The following GPATCH2L variants were observed in gnomAD, a reference collection of about 807,000 sequenced individuals.
The protein encoded by GPATCH2L is G-patch domain containing 2 like, also known as G patch domain-containing protein 2-like.
GPATCH2L carries 31 observed loss-of-function variants against 57.4 expected under a neutral mutation model. That is an observed-to-expected ratio of 0.54 (90% CI 0.41 to 0.73). The LOEUF (loss-of-function observed/expected upper bound fraction) is 0.73, where lower values mean the gene tolerates loss of function less well. Among genes scored for constraint, GPATCH2L ranks in the 30% least tolerant of loss-of-function variants. The probability of loss-of-function intolerance (pLI) is 0.00; values close to 1 mark genes in which losing one functional copy is unlikely to be tolerated. For synonymous variants in GPATCH2L, 199 were observed against 210.7 expected (o/e 0.94, Z 0.48); for missense variants, 481 against 599.9 (o/e 0.80, Z 2.07).
intron 1 of GPATCH2L, chr14:76,153,014 G>T (rs1484659701): frequency 1.2e-5 from 4 of 337,608 alleles, no homozygotes; most frequent in African/African-American, 6.5e-5. Context: ...AAAGAACTTG[G>T]TCTTGTTTAA....
At chr14:76,216,265 A>C (rs2040489302), downstream of GPATCH2L, among the ~76,000 whole-genome samples, 1 of 152,108 alleles carries the variant, frequency 6.6e-6, no homozygotes, top group African/African-American at 2.4e-5. Context: ...AAAATGTTTA[A>C]CAAGTTGTCC....
In GPATCH2L at chr14:76,155,712, A is replaced by T. The variant is rs368029845; in HGVS notation, c.662+687A>T. Among the ~76,000 whole-genome samples the T allele has an allele frequency of 3.8e-4, 58 of 152,352 alleles. 1 individual carries two copies. In the South Asian group the frequency reaches 7.5e-3, roughly 20 times the overall value. ...ACTTTTTATTTTTTACATCTCAGATAGTCCTAGGAACATTGATACCCCCCA... is the reference window on the plus strand; with the variant it reads ...ACTTTTTATTTTTTACATCTCAGATTGTCCTAGGAACATTGATACCCCCCA... On this transcript the variant is annotated intron_variant, in intron 2 of 9. Coordinates refer to ENST00000261530, the MANE Select transcript of GPATCH2L (RefSeq NM_017926.4).
intron 2 of GPATCH2L, among the ~76,000 whole-genome samples, chr14:76,159,485 A>G (rs972077836): frequency 6.6e-6 from 1 of 152,066 alleles, no homozygotes; most frequent in Non-Finnish European, 1.5e-5. Flanking sequence ...CAGCTGGCCA[A>G]GAGAATATGC....
At chr14:76,183,862 G>T (rs1594962736) in intron 8 of GPATCH2L, among the ~76,000 whole-genome samples, 1 of 152,326 alleles carries the variant, frequency 6.6e-6, no homozygotes, top group South Asian at 2.1e-4. Context: ...AAGGAGGAGT[G>T]TGAAGGAGTA....
intron 9 of GPATCH2L, among the ~76,000 whole-genome samples, chr14:76,198,395 G>A (rs1245770661): frequency 6.6e-6 from 1 of 152,170 alleles, no homozygotes; most frequent in Non-Finnish European, 1.5e-5. Flanking sequence ...CCAAGTAGCT[G>A]TAAAAAACAT....
rs371012497 is a variant in GPATCH2L, at chr14:76,161,573, T to C, written c.663-5090T>C. Among the ~76,000 whole-genome samples, 7 of 152,358 alleles carry C rather than the reference T, an allele frequency of 4.6e-5. No homozygotes were observed. In the East Asian group the frequency reaches 1.3e-3, roughly 29 times the overall value. On this transcript the variant is annotated intron_variant, in intron 2 of 9. Transcript: ENST00000261530. ...TAGCAAGCTCTCAGATCAGAGGGTG[T>C]GCTGTGCTTTTTTCCCACCCCCTGC...
At chr14:76,170,310 T>C (rs1240260024) in intron 3 of GPATCH2L, among the ~76,000 whole-genome samples, 2 of 152,322 alleles carry the variant, frequency 1.3e-5, no homozygotes, top group Non-Finnish European at 2.9e-5. Context: ...ATGAACTCTT[T>C]AGATATTCTT....
intron 7 of GPATCH2L, chr14:76,178,539 C>A (rs1161624198): frequency 5.0e-6 from 1 of 199,572 alleles, no homozygotes; most frequent in African/African-American, 2.4e-5. Context: ...AATAATTATA[C>A]AACTGGTCAT....
chr14:76,182,225 C>T (rs1375935048), intron 8 of GPATCH2L, among the ~76,000 whole-genome samples: 1 of 151,890 alleles, frequency 6.6e-6, no homozygotes, highest in African/African-American at 2.4e-5. Flanking sequence ...GGTGTGCTGG[C>T]GGGTGCCTGT....
intron 4 of GPATCH2L, among the ~76,000 whole-genome samples, chr14:76,172,683 T>C (rs56384182): frequency 0.048 from 7,289 of 152,252 alleles, 269 homozygotes; most frequent in East Asian, 0.13. Flanking sequence ...AAACCATTTC[T>C]TTTAGCACTA....
rs1017146829 is a variant in GPATCH2L at position 76,213,947 on chromosome 14, C to T, written c.*12096C>T. 6.6e-6 allele frequency: 1 copy of T among 152,112 alleles called. No homozygotes were observed. The highest frequency in any genetic ancestry group is 1.5e-5 in the Non-Finnish European group (1 of 68,020). The allele number at this position is 152,112 out of a possible 1,614,324, so 9.4% of individuals were successfully genotyped here. On this transcript the variant is annotated 3_prime_UTR_variant, in exon 10 of 10. Coordinates refer to ENST00000261530, the MANE Select transcript of GPATCH2L (RefSeq NM_017926.4). ...CTTGGGTCTTTCTGGGTTTTCTGTT[C>T]CACTGGTCTACTTGTGCATGGTACC... is the stretch of plus-strand genomic sequence containing the variant.
rs959818741 is a variant in GPATCH2L at position 76,210,363 on chromosome 14, A to C, written c.*8512A>C. 6.6e-6 allele frequency: 1 copy of C among 152,182 alleles called. No homozygotes were observed. Among genetic ancestry groups the C allele is most frequent in the African/African-American group, 2.4e-5 (1 of 41,450 alleles). 9.4% of individuals were successfully genotyped at this position (152,182 alleles called of 1,614,324 possible). ...GTTAAAGAGTGTCTGTTCCCAATCA[A>C]TACCTCTGCTGCCTCTTTTTACAAA... On this transcript the variant is annotated 3_prime_UTR_variant, in exon 10 of 10. Transcript: ENST00000261530.
chr14:76,231,250 G>A (rs529923392), intron 2 of GPATCH2L, among the ~76,000 whole-genome samples: 10 of 152,244 alleles, frequency 6.6e-5, no homozygotes, highest in South Asian at 4.1e-4. Context: ...GGTACTGACC[G>A]GGGAGTGATT....
At chr14:76,190,810 C>T (rs1050290261) in intron 8 of GPATCH2L, among the ~76,000 whole-genome samples, 1 of 152,088 alleles carries the variant, frequency 6.6e-6, no homozygotes, top group Non-Finnish European at 1.5e-5. Context: ...TGCTCCCACT[C>T]CTCCCCAGCC....
rs904654455 is a variant in GPATCH2L, at chr14:76,193,623, A to G, written c.1194-2255A>G. Among the ~76,000 whole-genome samples, 5 of 152,292 alleles carry G rather than the reference A, an allele frequency of 3.3e-5. No individual in the cohort carries two copies. The South Asian group carries it at 1.0e-3, about 32-fold the overall frequency. ...AGTTACAGTCAAGTAACAAGCATCC[A>G]GATGAAGAAAAAGAGAGTTATCAGA... is the stretch of plus-strand genomic sequence containing the variant. On this transcript the variant is annotated intron_variant, in intron 8 of 9. Coordinates refer to ENST00000261530, the MANE Select transcript of GPATCH2L (RefSeq NM_017926.4).
intron 2 of GPATCH2L, among the ~76,000 whole-genome samples, chr14:76,159,993 G>A (rs1297312220): frequency 5.3e-5 from 8 of 152,096 alleles, no homozygotes; most frequent in Admixed American, 5.2e-4. Context: ...ATTAGCCTTG[G>A]CGTGGTGGTG....
chr14:76,154,829 A>C lies in GPATCH2L; in HGVS notation c.466A>C (p.Arg156=). The part of the protein sequence containing the change: ...KLKVSDWSYE[R]GCRFKSAKKQ... ...GAAGGTGTCAGATTGGAGCTATGAG[A>C]GAGGCTGCAGGTTCAAGTCTGCTAA... is the stretch of plus-strand genomic sequence containing the variant. The change falls in exon 2 of 10, where the codon AGA becomes CGA. Residue 156 remains arginine (R), a synonymous_variant. Coordinates refer to ENST00000261530, the MANE Select transcript of GPATCH2L (RefSeq NM_017926.4). The surrounding 1 kb of genome is among the most constrained non-coding windows in gnomAD (Gnocchi z 4.4). 1.2e-6 allele frequency: 2 copies of C among 1,614,220 alleles called. No individual in the cohort carries two copies. Among genetic ancestry groups the C allele is most frequent in the East Asian group, 4.5e-5 (2 of 44,888 alleles).
In GPATCH2L at chr14:76,202,505, G is replaced by A. The variant is rs1441286798; in HGVS notation, c.*654G>A. 1 of 151,148 alleles carries A rather than the reference G, an allele frequency of 6.6e-6. No homozygotes were observed. The highest frequency in any genetic ancestry group is 1.5e-5 in the Non-Finnish European group (1 of 67,918). 9.4% of individuals were successfully genotyped at this position (151,148 alleles called of 1,614,324 possible). On this transcript the variant is annotated 3_prime_UTR_variant, in exon 10 of 10. Coordinates refer to ENST00000261530, the MANE Select transcript of GPATCH2L (RefSeq NM_017926.4). ...TATTGTATTTTACCTCATCTTCAGA[G>A]TTTATGTTCTACTGAAAGAGGACGT... is the stretch of plus-strand genomic sequence containing the variant.
rs546248862 is a variant in GPATCH2L, at chr14:76,224,820, A to G, written c.66-4988A>G. Reference sequence around the variant, plus strand: ...AGGCTACTGGATTCACGTTTACTCTACAAAAATCAATGATATTTTTATATA... The same window carrying G: ...AGGCTACTGGATTCACGTTTACTCTGCAAAAATCAATGATATTTTTATATA... On this transcript the variant is annotated intron_variant and NMD_transcript_variant, in intron 1 of 3. Coordinates refer to the GPATCH2L transcript ENST00000556372. 6.6e-5 allele frequency among the ~76,000 whole-genome samples: 10 copies of G among 152,324 alleles called. No individual in the cohort carries two copies. The South Asian group carries it at 2.1e-3, about 32-fold the overall frequency.
Sources: gnomAD v4.1 joint callset for allele counts (sites outside exome capture counted in the v4.1 genomes callset) on GRCh38, gnomAD v4.1.1 for gene constraint, Gnocchi (gnomAD v3.1) non-coding constraint, MANE v1.5 for transcripts, NCBI Gene and HGNC (gene_info 2026-07-23, HGNC 2026-07-21) for gene names.